MICOS10: variants seen among roughly 807,000 people sequenced by gnomAD.
MICOS10 encodes the protein MICOS complex subunit MIC10.
MICOS10 carries 5 observed loss-of-function variants against 13.4 expected under a neutral mutation model. That is an observed-to-expected ratio of 0.37 (90% CI 0.20 to 0.78). MICOS10 has a LOEUF of 0.78. Ranked by LOEUF, MICOS10 falls within the 30% of genes least tolerant of loss-of-function variation. The pLI, the probability that MICOS10 is intolerant of heterozygous loss-of-function variation, is 0.47. For missense variants in MICOS10, 101 were observed against 94.6 expected (o/e 1.07, Z -0.28); for synonymous variants, 35 against 33.6 (o/e 1.04, Z -0.15).
chr1:19,607,941 C>G (rs550793383), intron 1 of MICOS10, among the ~76,000 whole-genome samples: 2 of 151,204 alleles, frequency 1.3e-5, no homozygotes, highest in African/African-American at 2.4e-5. Context: ...TTTGACAAGG[C>G]AATTTAATGG....
At chr1:19,616,768 T>C (rs2100306227) in intron 1 of MICOS10, among the ~76,000 whole-genome samples, 1 of 152,304 alleles carries the variant, frequency 6.6e-6, no homozygotes, top group Non-Finnish European at 1.5e-5. Flanking sequence ...TGGGTTTGAA[T>C]TCTACTTTTT....
chr1:19,601,034 G>A (rs773363682), intron 1 of MICOS10: 1 of 1,284,970 alleles, frequency 7.8e-7, no homozygotes, highest in African/African-American at 1.5e-5. Context: ...GTTCACCAGG[G>A]TTATTTTCCC....
chr1:19,617,095 C>T (rs1019007364), intron 1 of MICOS10, among the ~76,000 whole-genome samples: 6 of 152,164 alleles, frequency 3.9e-5, no homozygotes, highest in South Asian at 2.1e-4. Context: ...GTATGGCTGT[C>T]AGCATTCTGG....
rs1488368623 is a variant in MICOS10, at chr1:19,597,037, G to A, written c.-9G>A. On this transcript the variant is annotated 5_prime_UTR_variant, in exon 1 of 4. In the 5' UTR this introduces an upstream ATG that the reference lacks. Transcript: ENST00000322753. ...GCCGAGAGGAAAGCTGGAGGCGCGG[G>A]TGGGGAACATGTCTGAGTCGGAGCT... is the stretch of plus-strand genomic sequence containing the variant. 3 of 1,583,398 alleles carry A rather than the reference G, an allele frequency of 1.9e-6. No individual in the cohort carries two copies. The highest frequency in any genetic ancestry group is 2.8e-5 in the African/African-American group (2 of 71,968).
chr1:19,618,042 G>T (rs2094890610), intron 1 of MICOS10, among the ~76,000 whole-genome samples: 1 of 151,626 alleles, frequency 6.6e-6, no homozygotes, highest in Admixed American at 6.6e-5. Context: ...TTCAGCTGTG[G>T]CTTATCCACA....
chr1:19,619,015 T>G (rs1164239092), intron 1 of MICOS10, among the ~76,000 whole-genome samples: 4 of 152,224 alleles, frequency 2.6e-5, no homozygotes. Flanking sequence ...AAATGTTACA[T>G]GTAAGCTGGA....
rs1032709479 is a variant in MICOS10 at position 19,627,403 on chromosome 1, G to T, written c.*1002G>T. The T allele has an allele frequency of 6.6e-6, 1 of 152,230 alleles. No individual in the cohort carries two copies. The highest frequency in any genetic ancestry group is 1.5e-5 in the Non-Finnish European group (1 of 68,056). 9.4% of individuals were successfully genotyped at this position (152,230 alleles called of 1,614,324 possible). A position where few individuals can be genotyped will look rare whatever the true frequency, so the allele number is the denominator to read the frequency against. On this transcript the variant is annotated 3_prime_UTR_variant, in exon 4 of 4. Transcript: ENST00000322753. ...TACTGTAAGCGAGGCACTGTTGTAAGCAGCAGAGATAAATGGATAAATAGA... is the reference window on the plus strand; with the variant it reads ...TACTGTAAGCGAGGCACTGTTGTAATCAGCAGAGATAAATGGATAAATAGA...
chr1:19,612,836 C>T (rs72959458), intron 1 of MICOS10, among the ~76,000 whole-genome samples: 1,569 of 152,100 alleles, frequency 0.01, 30 homozygotes, highest in African/African-American at 0.036. Context: ...ATGCTGACTT[C>T]GGATATCATC....
At chr1:19,620,300 G>C (rs2094898714) in intron 1 of MICOS10, among the ~76,000 whole-genome samples, 1 of 152,232 alleles carries the variant, frequency 6.6e-6, no homozygotes, top group Admixed American at 6.5e-5. Flanking sequence ...CCCCGATCAG[G>C]TGGGACTTCT....
At chr1:19,621,176 A>G (rs916942016) in intron 1 of MICOS10, among the ~76,000 whole-genome samples, 2 of 152,212 alleles carry the variant, frequency 1.3e-5, no homozygotes, top group Admixed American at 1.3e-4. Context: ...AGTCTTGCCA[A>G]GGAATATCAG....
At chr1:19,619,631 T>C (rs999626884) in intron 1 of MICOS10, among the ~76,000 whole-genome samples, 1 of 152,222 alleles carries the variant, frequency 6.6e-6, no homozygotes, top group Admixed American at 6.5e-5. Flanking sequence ...TTTTCTGTTC[T>C]TTTTACTGTT....
intron 3 of MICOS10, among the ~76,000 whole-genome samples, chr1:19,625,891 A>G (rs1361746485): frequency 6.6e-6 from 1 of 152,168 alleles, no homozygotes; most frequent in Non-Finnish European, 1.5e-5. Flanking sequence ...GTGTAGTCCT[A>G]TTGTAATAAC....
chr1:19,601,368 C>T (rs2094814224), intron 1 of MICOS10: 1 of 202,128 alleles, frequency 4.9e-6, no homozygotes, highest in African/African-American at 2.3e-5. Context: ...CACTTGAGCC[C>T]AAGAGGTCGA....
intron 1 of MICOS10, among the ~76,000 whole-genome samples, chr1:19,610,813 TTAAC>T (rs757264273): frequency 2.6e-5 from 4 of 152,198 alleles, no homozygotes; most frequent in Non-Finnish European, 4.4e-5. Flanking sequence ...TTTTAAATGA[TTAAC>T]TAAAGCAACT....
intron 1 of MICOS10, chr1:19,600,777 T>A: frequency 1.6e-6 from 1 of 635,056 alleles, no homozygotes; most frequent in South Asian, 1.6e-5. Context: ...AACTTTTGTA[T>A]TTTTTGTAGA....
In MICOS10 at chr1:19,597,188, G is replaced by A. The variant is rs1179230183; in HGVS notation, c.64+79G>A. On this transcript the variant is annotated intron_variant, in intron 1 of 3. Transcript: ENST00000322753. The stretch of plus-strand genomic sequence containing the variant: ...GGCTGCGCTGCCCAGGAGGAAGGAA[G>A]GGAAGCCCCACGGGAGGTCAGGCCT... The A allele has an allele frequency of 2.0e-6, 3 of 1,470,102 alleles. No individual in the cohort carries two copies. The African/African-American group carries it at 4.4e-5, about 21-fold the overall frequency. The allele number at this position is 1,470,102 out of a possible 1,614,324, so 91.1% of individuals were successfully genotyped here.
Position 19,610,397 on chromosome 1 carries a change from T to TTTC in MICOS10, c.65-11703_65-11702insTTC, listed in dbSNP as rs1400197796. 3.4e-5 allele frequency among the ~76,000 whole-genome samples: 3 copies of TTTC among 87,476 alleles called. No individual in the cohort carries two copies. The East Asian group carries it at 1.0e-3, about 30-fold the overall frequency. 57.4% of individuals were successfully genotyped at this position (87,476 alleles called of 152,430 possible). A position where few individuals can be genotyped will look rare whatever the true frequency, so the allele number is the denominator to read the frequency against. On this transcript the variant is annotated intron_variant, in intron 1 of 3. Coordinates refer to ENST00000322753, the MANE Select transcript of MICOS10 (RefSeq NM_001032363.4). The stretch of plus-strand genomic sequence containing the variant: ...TTTTTTTTTTTTTTTTTTTTTTTTT[T>TTTC]GGAGACAAGGCCTTACTCTTGCCCA...
intron 1 of MICOS10, among the ~76,000 whole-genome samples, chr1:19,606,266 G>T (rs1445574098): frequency 1.3e-5 from 2 of 152,154 alleles, no homozygotes; most frequent in African/African-American, 4.8e-5. Flanking sequence ...AATGAGCATG[G>T]TGTTGCTTTT....
chr1:19,601,280 TAAGAA>T (rs764749643), intron 1 of MICOS10: 55 of 309,568 alleles, frequency 1.8e-4, no homozygotes, highest in Non-Finnish European at 3.0e-4. Flanking sequence ...ATTACTATCT[TAAGAA>T]AAGCAGTTCT....
Sources: allele counts gnomAD v4.1 joint callset (sites outside exome capture counted in the v4.1 genomes callset), GRCh38; gene constraint gnomAD v4.1.1; transcripts MANE v1.5; gene names NCBI Gene and HGNC (gene_info 2026-07-23, HGNC 2026-07-21).